The following DDX23 variants were observed in gnomAD, a reference collection of about 807,000 sequenced individuals.
DDX23 encodes DEAD-box helicase 23.
Under a neutral mutation model 102.7 loss-of-function variants are expected in DDX23, and 33 were observed. That is an observed-to-expected ratio of 0.32 (90% confidence interval 0.24 to 0.43). The LOEUF (loss-of-function observed/expected upper bound fraction) is 0.43. DDX23 is among the 20% of genes least tolerant of loss of function. The pLI is 1.00. For missense variants in DDX23, 549 were observed against 1,086.6 expected (o/e 0.51, Z 6.96); for synonymous variants, 352 against 376.0 (o/e 0.94, Z 0.74).
At chr12:48,842,902 T>C (rs1286738625) in intron 3 of DDX23, among the ~76,000 whole-genome samples, 1 of 151,708 alleles carries the variant, frequency 6.6e-6, no homozygotes, top group Non-Finnish European at 1.5e-5. Flanking sequence ...GGTTGCCGTG[T>C]CTGTGTAGAA....
At chr12:48,847,886 C>T (rs1938694099) in intron 1 of DDX23, among the ~76,000 whole-genome samples, 1 of 152,224 alleles carries the variant, frequency 6.6e-6, no homozygotes, top group South Asian at 2.1e-4. Flanking sequence ...AGGCTATTTT[C>T]TCTGTACAGC....
Position 48,830,670 on chromosome 12 carries a change from G to T in DDX23, c.2262C>A (p.Arg754=). ...CCCCACTCTTGCCTGCTCGTCCCGT[G>T]CGGCCAATGCGGTGGATGTAATCTG... ...NIEDYIHRIG[R]TGRAGKSGVA... The change falls in exon 17 of 17, where the codon CGC becomes CGA. Residue 754 remains arginine, a synonymous_variant. Coordinates refer to ENST00000308025, the MANE Select transcript of DDX23 (RefSeq NM_004818.3). This position sits in a 1 kb window ranked among gnomAD's most constrained non-coding sequence, Gnocchi z 4.9. The T allele has an allele frequency of 6.2e-7, 1 of 1,611,594 alleles. No individual in the cohort carries two copies. The highest frequency in any genetic ancestry group is 8.5e-7 in the Non-Finnish European group (1 of 1,178,582).
rs769461806 is a variant in DDX23, at chr12:48,833,319, C to T, written c.1761G>A (p.Lys587=). The T allele has an allele frequency of 3.7e-6, 6 of 1,614,048 alleles. No homozygotes were observed. Among genetic ancestry groups the T allele is most frequent in the Admixed American group, 1.7e-5 (1 of 59,992 alleles). The change falls in exon 13 of 17, where the codon AAG becomes AAA. Residue 587 remains lysine (K), a synonymous_variant. Coordinates refer to ENST00000308025, the MANE Select transcript of DDX23 (RefSeq NM_004818.3). The part of the protein sequence containing the change: ...PDTDEAEDPE[K]MLANFESGKH... ...TTCCCGACTCAAAGTTGGCCAGCAT[C>T]TTCTCAGGGTCCTCAGCCTCATCCG...
chr12:48,831,995 G>T, intron 15 of DDX23, 83 bp downstream of exon 15: 1 of 1,310,302 alleles, frequency 7.6e-7, no homozygotes, highest in Non-Finnish European at 1.1e-6. Flanking sequence ...GGTGAGACTT[G>T]AAAGGAAGAG....
rs139040339 is a variant in DDX23, at chr12:48,845,622, C to A, written c.161G>T (p.Arg54Leu). The change falls in exon 2 of 17, where the codon CGA becomes CTA. Residue 54 changes from arginine to leucine, a missense_variant. Transcript: ENST00000308025. Reference sequence around the variant, plus strand: ...ACGAGAGCGAGAACGGCTGCCTCCTCGACGTCTATCCCTTGAACGATGCCG... The same window carrying A: ...ACGAGAGCGAGAACGGCTGCCTCCTAGACGTCTATCCCTTGAACGATGCCG... Reference protein sequence around the residue: ...RKRHRSRDRRRGGSRSRSRSR... With the variant: ...RKRHRSRDRRLGGSRSRSRSR... 3 of 1,614,102 alleles carry A rather than the reference C, an allele frequency of 1.9e-6. No homozygotes were observed. The highest frequency in any genetic ancestry group is 2.5e-6 in the Non-Finnish European group (3 of 1,180,050).
chr12:48,831,881 G>A, intron 15 of DDX23, 197 bp downstream of exon 15: 1 of 595,928 alleles, frequency 1.7e-6, no homozygotes, highest in Non-Finnish European at 2.9e-6. Context: ...TGGCATTACT[G>A]CAGCAGACAG....
chr12:48,832,016 C>T lies in DDX23; in HGVS notation c.2064+62G>A. 1.4e-6 allele frequency: 2 copies of T among 1,467,992 alleles called. No individual in the cohort carries two copies. The highest frequency in any genetic ancestry group is 1.9e-6 in the Non-Finnish European group (2 of 1,049,770). The allele number at this position is 1,467,992 out of a possible 1,614,324, so 90.9% of individuals were successfully genotyped here. Reference sequence around the variant, plus strand: ...ACTTGAAAGGAAGAGCCTAGGGGGCCCTGCTAGATTCAGAAAGCAGTGCCA... The same window carrying T: ...ACTTGAAAGGAAGAGCCTAGGGGGCTCTGCTAGATTCAGAAAGCAGTGCCA... On this transcript the variant is annotated intron_variant, in intron 15 of 16. Transcript: ENST00000308025. This position sits in a 1 kb window ranked among gnomAD's most constrained non-coding sequence, Gnocchi z 4.4.
Position 48,844,015 on chromosome 12 carries a change from T to C in DDX23, c.245A>G (p.Glu82Gly), listed in dbSNP as rs780694306. 1.1e-5 allele frequency: 18 copies of C among 1,614,126 alleles called. No homozygotes were observed. The highest frequency in any genetic ancestry group is 1.5e-5 in the Non-Finnish European group (18 of 1,180,004). ...RRHKERERDK[E>G]RDRNKKDRDR... ...TCGGTCCTTCTTATTCCGATCCCGCTCCTTATCTCGTTCTCGTTCTTTGTG... is the reference window on the plus strand; with the variant it reads ...TCGGTCCTTCTTATTCCGATCCCGCCCCTTATCTCGTTCTCGTTCTTTGTG... The change falls in exon 3 of 17, where the codon GAG (glutamate) becomes GGG (glycine). Residue 82 changes from glutamate to glycine, a missense_variant. This residue lies in a region of DDX23 where 241 missense variants were observed against 267.0 expected (regional missense o/e 0.90). Coordinates refer to ENST00000308025, the MANE Select transcript of DDX23 (RefSeq NM_004818.3).
In DDX23 at chr12:48,837,337, C is replaced by A. The variant is rs1413693511; in HGVS notation, c.810G>T (p.Arg270=). Residue 270 remains arginine (R), a synonymous_variant, in exon 8 of 17, where the codon CGG becomes CGT. Transcript: ENST00000308025. ...KRRRTRHLND[R]KFVFEWDASE... ...ATGCATCCCACTCAAAAACAAATTTCCGGTCATTGAGATGTCTCGTTCGGC... is the reference window on the plus strand; with the variant it reads ...ATGCATCCCACTCAAAAACAAATTTACGGTCATTGAGATGTCTCGTTCGGC... 1.9e-6 allele frequency: 3 copies of A among 1,614,198 alleles called. No individual in the cohort carries two copies. In the South Asian group the frequency reaches 3.3e-5, roughly 18 times the overall value.
chr12:48,837,452 G>A (rs1299352830), intron 7 of DDX23, 59 bp from the exon 8 acceptor site: 7 of 1,612,698 alleles, frequency 4.3e-6, no homozygotes, highest in Non-Finnish European at 5.1e-6. Flanking sequence ...CACATGCAGA[G>A]ATCACAATGG....
intron 11 of DDX23, among the ~76,000 whole-genome samples, chr12:48,835,890 C>CA (rs1001046932): frequency 6.6e-6 from 1 of 151,924 alleles, no homozygotes; most frequent in African/African-American, 2.4e-5. Flanking sequence ...GACTCTGCCT[C>CA]AAAAAAATAA....
intron 4 of DDX23, 32 bp from the exon 5 acceptor site, chr12:48,839,941 G>C: frequency 1.2e-6 from 2 of 1,613,830 alleles, no homozygotes; most frequent in South Asian, 1.1e-5. Context: ...AGTCTATAAA[G>C]GCTCTCTCCC....
At chr12:48,833,196 GCTGGTCTCAAACTC>G in intron 13 of DDX23, 67 bp downstream of exon 13, 1 of 1,579,536 alleles carries the variant, frequency 6.3e-7, no homozygotes, top group Non-Finnish European at 8.6e-7. Flanking sequence ...TGTTGCCCAG[GCTGGTCTCAAACTC>G]CTGAGCTCAA....
chr12:48,841,242 C>T (rs2137488991), intron 3 of DDX23, among the ~76,000 whole-genome samples: 1 of 152,208 alleles, frequency 6.6e-6, no homozygotes, highest in East Asian at 1.9e-4. Context: ...AAAAATTAGC[C>T]AGGCATGGTG....
chr12:48,842,858 C>T (rs1187786399), intron 3 of DDX23, among the ~76,000 whole-genome samples: 3 of 150,992 alleles, frequency 2.0e-5, no homozygotes, highest in Admixed American at 6.6e-5. Context: ...AATAGAAAGG[C>T]GGGAAAGGTG....
chr12:48,837,417 C>T (rs566981973), intron 7 of DDX23, 24 bp from the exon 8 acceptor site: 12 of 1,613,220 alleles, frequency 7.4e-6, no homozygotes, highest in South Asian at 1.1e-5. Context: ...GAACACAAAG[C>T]ACATGAGCTT....
intron 1 of DDX23, among the ~76,000 whole-genome samples, chr12:48,847,710 G>T (rs1938691848): frequency 1.3e-5 from 2 of 152,150 alleles, no homozygotes; most frequent in Admixed American, 6.6e-5. Flanking sequence ...ACGCTACCCA[G>T]GAGGCTGAGG....
intron 7 of DDX23, 65 bp from the exon 8 acceptor site, chr12:48,837,458 A>G: frequency 6.2e-7 from 1 of 1,612,732 alleles, no homozygotes; most frequent in South Asian, 1.1e-5. Flanking sequence ...CAGAGATCAC[A>G]ATGGCCAAAT....
chr12:48,839,841 T>C lies in DDX23; in HGVS notation c.480+3A>G. 6.2e-7 allele frequency: 1 copy of C among 1,614,122 alleles called. No homozygotes were observed. Among genetic ancestry groups the C allele is most frequent in the East Asian group, 2.2e-5 (1 of 44,882 alleles). On this transcript the variant is annotated splice_donor_region_variant and intron_variant, in intron 5 of 16. Transcript: ENST00000308025. ...CGATGAATGAAGACCCTCAAGTACT[T>C]ACCTTAGCCTCAGCTTCTTCCTCAG...
Sources: allele counts gnomAD v4.1 joint callset (sites outside exome capture counted in the v4.1 genomes callset), GRCh38; gene constraint gnomAD v4.1.1; regional missense constraint gnomAD v4.1.1; non-coding constraint Gnocchi (gnomAD v3.1); transcripts MANE v1.5; gene names NCBI Gene and HGNC (gene_info 2026-07-23, HGNC 2026-07-21).